Variants in CFAP20DC observed in about 807,000 individuals in gnomAD.
The protein encoded by CFAP20DC is protein CFAP20DC.
In CFAP20DC, 84 loss-of-function variants were observed where a neutral mutation model predicts 101.7. The observed-to-expected ratio is 0.83, with a 90% CI of 0.69 to 0.99. CFAP20DC has a LOEUF of 0.99. Among genes scored for constraint, CFAP20DC ranks in the 50% least tolerant of loss-of-function variants. The probability of loss-of-function intolerance (pLI) is 0.00; values close to 1 mark genes in which losing one functional copy is unlikely to be tolerated. For synonymous variants in CFAP20DC, 359 were observed against 351.2 expected (o/e 1.02, Z -0.25); for missense variants, 1,007 against 970.3 (o/e 1.04, Z -0.50).
chr3:58,762,389 G>C (rs971554475), intron 15 of CFAP20DC, among the ~76,000 whole-genome samples: 2 of 152,028 alleles, frequency 1.3e-5, no homozygotes, highest in Non-Finnish European at 2.9e-5. Context: ...CCATTTGCTT[G>C]GTAGATCTCC....
In CFAP20DC at chr3:58,884,635, C is replaced by T. The variant is rs779810285; in HGVS notation, c.625G>A (p.Val209Ile). ...TTTAGCAGCTGTGTGACATGTGGAA[C>T]ATCTGTCATTAGTTGACAGCTTCGT... ...IPRSCQLMTD[V>I]PHVTQLLNMT... The change falls in exon 7 of 17, where the codon GTT becomes ATT. Residue 209 changes from valine (V) to isoleucine (I), a missense_variant. Physicochemically the swap from Val to Ile is conservative, Grantham distance 29. Coordinates refer to ENST00000482387, the MANE Select transcript of CFAP20DC (RefSeq NM_001394063.1). 1.2e-6 allele frequency: 2 copies of T among 1,613,866 alleles called. No individual in the cohort carries two copies. Among genetic ancestry groups the T allele is most frequent in the East Asian group, 2.2e-5 (1 of 44,870 alleles).
intron 4 of CFAP20DC, among the ~76,000 whole-genome samples, chr3:58,976,235 G>A (rs1281637320): frequency 6.6e-6 from 1 of 152,152 alleles, no homozygotes; most frequent in Non-Finnish European, 1.5e-5. Context: ...TGGCAGGAGT[G>A]GAAATGCCAG....
Position 58,721,037 on chromosome 3 carries a change from G to A in CFAP20DC, c.198-3409C>T, listed in dbSNP as rs1338874283. 6.6e-6 allele frequency among the ~76,000 whole-genome samples: 1 copy of A among 152,130 alleles called. No homozygotes were observed. Among genetic ancestry groups the A allele is most frequent in the Admixed American group, 6.5e-5 (1 of 15,282 alleles). On this transcript the variant is annotated intron_variant, in intron 3 of 3. Coordinates refer to the CFAP20DC transcript ENST00000486145. This position sits in a 1 kb window ranked among gnomAD's most constrained non-coding sequence, Gnocchi z 5.2. The stretch of plus-strand genomic sequence containing the variant: ...TCAAGAAAACCTCCTCAGACTCCAA[G>A]GCTAGGTTAGGTTCCTCATTTTTCT...
At chr3:59,039,393 A>G (rs1368375490) in intron 4 of CFAP20DC, among the ~76,000 whole-genome samples, 164 bp downstream of exon 4, 2 of 152,178 alleles carry the variant, frequency 1.3e-5, no homozygotes, top group East Asian at 3.9e-4. Flanking sequence ...AGTGATATCC[A>G]AGAAATATGA....
chr3:58,784,424 A>T (rs563468903), intron 15 of CFAP20DC, among the ~76,000 whole-genome samples: 113 of 152,166 alleles, frequency 7.4e-4, no homozygotes, highest in Non-Finnish European at 1.4e-3. Flanking sequence ...TTCTATGCTC[A>T]GTACCTGCGT....
At chr3:58,982,906 G>C (rs976232764) in intron 4 of CFAP20DC, among the ~76,000 whole-genome samples, 6 of 152,008 alleles carry the variant, frequency 3.9e-5, no homozygotes, top group African/African-American at 1.4e-4. Context: ...GGAGGAGATT[G>C]GAAGACAGGA....
At chr3:58,802,487 C>T (rs2073780480) in intron 15 of CFAP20DC, among the ~76,000 whole-genome samples, 1 of 152,164 alleles carries the variant, frequency 6.6e-6, no homozygotes, top group Admixed American at 6.5e-5. Context: ...GCAAGGGCCC[C>T]AGCATCTGTG....
At chr3:58,979,086 T>C (rs746678080) in intron 4 of CFAP20DC, among the ~76,000 whole-genome samples, 1 of 152,214 alleles carries the variant, frequency 6.6e-6, no homozygotes, top group African/African-American at 2.4e-5. Context: ...AGAAGATTGA[T>C]TCTTTGCAGC....
At chr3:58,750,552 A>G (rs1416859866) in intron 16 of CFAP20DC, among the ~76,000 whole-genome samples, 1 of 152,210 alleles carries the variant, frequency 6.6e-6, no homozygotes, top group East Asian at 1.9e-4. Context: ...ATGAGCCCTC[A>G]GGCACCACAT....
chr3:58,922,807 G>T (rs536370782), intron 5 of CFAP20DC, among the ~76,000 whole-genome samples: 1 of 148,782 alleles, frequency 6.7e-6, no homozygotes, highest in East Asian at 2.0e-4. Context: ...TCTTTGTTCT[G>T]TTTTTTTTTC....
At chr3:58,747,108 T>C (rs1264948619) in intron 16 of CFAP20DC, among the ~76,000 whole-genome samples, 2 of 152,310 alleles carry the variant, frequency 1.3e-5, no homozygotes, top group Middle Eastern at 3.4e-3. Flanking sequence ...AATAAAACCA[T>C]TTTCTGCTAC....
intron 4 of CFAP20DC, among the ~76,000 whole-genome samples, chr3:58,994,952 C>T (rs1050175982): frequency 5.3e-5 from 8 of 152,026 alleles, no homozygotes; most frequent in African/African-American, 1.2e-4. Context: ...TGGTACTATT[C>T]GTTAAGGTTA....
intron 3 of CFAP20DC, among the ~76,000 whole-genome samples, chr3:58,736,994 T>C (rs1029345775): frequency 2.0e-4 from 31 of 152,160 alleles, no homozygotes; most frequent in African/African-American, 6.8e-4. Flanking sequence ...GATGTAAGAC[T>C]CCAATATTCA....
intron 5 of CFAP20DC, among the ~76,000 whole-genome samples, chr3:58,930,214 C>T (rs1309633809): frequency 6.6e-6 from 1 of 152,208 alleles, no homozygotes; most frequent in Non-Finnish European, 1.5e-5. Context: ...GATGTTGCTT[C>T]ACATCCATTC....
intron 4 of CFAP20DC, among the ~76,000 whole-genome samples, chr3:58,982,863 A>C (rs952252988): frequency 6.6e-6 from 1 of 151,752 alleles, no homozygotes; most frequent in African/African-American, 2.4e-5. Context: ...ATAATAATAA[A>C]AACAAAAAAA....
At chr3:59,020,190 G>A (rs986351913) in intron 4 of CFAP20DC, among the ~76,000 whole-genome samples, 62 of 151,968 alleles carry the variant, frequency 4.1e-4, no homozygotes, top group African/African-American at 1.2e-3. Context: ...ATCACTCAGT[G>A]TTAATTTCCA....
At chr3:58,926,901 T>C (rs1052600825) in intron 5 of CFAP20DC, among the ~76,000 whole-genome samples, 5 of 152,238 alleles carry the variant, frequency 3.3e-5, no homozygotes, top group Non-Finnish European at 7.3e-5. Flanking sequence ...ATCTCATAAT[T>C]GAACTTCTTA....
chr3:58,784,478 C>A (rs915054035), intron 15 of CFAP20DC, among the ~76,000 whole-genome samples: 1 of 152,076 alleles, frequency 6.6e-6, no homozygotes, highest in African/African-American at 2.4e-5. Context: ...ATGCAATATA[C>A]CCACGTAACA....
chr3:58,954,937 A>G (rs1377567926), intron 4 of CFAP20DC, among the ~76,000 whole-genome samples: 9 of 152,052 alleles, frequency 5.9e-5, no homozygotes, highest in Non-Finnish European at 1.3e-4. Flanking sequence ...TCACCACTAT[A>G]TAATTCATTA....
Sources: allele counts gnomAD v4.1 joint callset (sites outside exome capture counted in the v4.1 genomes callset), GRCh38; gene constraint gnomAD v4.1.1; non-coding constraint Gnocchi (gnomAD v3.1); transcripts MANE v1.5; gene names NCBI Gene and HGNC (gene_info 2026-07-23, HGNC 2026-07-21).